Variants in PRDM6 observed in about 807,000 individuals in gnomAD.
PRDM6 encodes the protein PR/SET domain 6.
In PRDM6, 25 loss-of-function variants were observed where a neutral mutation model predicts 60.8. That is an observed-to-expected ratio of 0.41 (90% CI 0.30 to 0.57). The LOEUF is 0.57. Among genes scored for constraint, PRDM6 ranks in the 20% least tolerant of loss-of-function variants. The pLI is 0.27. For synonymous variants in PRDM6, 407 were observed against 357.4 expected (o/e 1.14, Z -1.57); for missense variants, 839 against 821.3 (o/e 1.02, Z -0.26).
chr5:123,145,146 T>C (rs1765211113), intron 3 of PRDM6, among the ~76,000 whole-genome samples: 1 of 152,220 alleles, frequency 6.6e-6, no homozygotes, highest in Non-Finnish European at 1.5e-5. Context: ...AATGATTAGC[T>C]TTGCCTCTCT....
At chr5:123,100,928 G>A (rs1707610493) in intron 3 of PRDM6, among the ~76,000 whole-genome samples, 1 of 152,194 alleles carries the variant, frequency 6.6e-6, no homozygotes, top group South Asian at 2.1e-4. Flanking sequence ...TAAACAATAT[G>A]TAAATCTGAC....
chr5:123,175,257 T>C (rs550022653), intron 6 of PRDM6, among the ~76,000 whole-genome samples: 7 of 152,288 alleles, frequency 4.6e-5, no homozygotes, highest in Non-Finnish European at 7.4e-5. Context: ...TCCCTTTTCT[T>C]TTCCTTTCTC....
rs765340342 is a variant in PRDM6, at chr5:123,190,885, C to A, written c.*3684C>A. ...CTGCTAGTAAAATGGGTATTTTAGT[C>A]CTTTAGACCATTGTCTCAGTGAAGT... On this transcript the variant is annotated 3_prime_UTR_variant, in exon 8 of 8. Coordinates refer to ENST00000407847, the MANE Select transcript of PRDM6 (RefSeq NM_001136239.4). 1 of 152,104 alleles carries A rather than the reference C, an allele frequency of 6.6e-6. No homozygotes were observed. The allele number at this position is 152,104 out of a possible 1,614,324, so 9.4% of individuals were successfully genotyped here.
chr5:123,177,908 G>A (rs1056201832), intron 6 of PRDM6, among the ~76,000 whole-genome samples: 1 of 152,134 alleles, frequency 6.6e-6, no homozygotes, highest in Non-Finnish European at 1.5e-5. Flanking sequence ...TCCCGTTCTA[G>A]CCCCTTCCAT....
At chr5:123,095,288 CG>C (rs1357376501) in intron 2 of PRDM6, among the ~76,000 whole-genome samples, 1 of 152,246 alleles carries the variant, frequency 6.6e-6, no homozygotes. Context: ...TGGGCAGGAG[CG>C]GGGTGGGACC....
At chr5:123,092,558 G>A (rs958455442) in intron 2 of PRDM6, among the ~76,000 whole-genome samples, 2 of 152,066 alleles carry the variant, frequency 1.3e-5, no homozygotes, top group Admixed American at 6.5e-5. Flanking sequence ...TATTGCCTGG[G>A]TAACTTTTTT....
At chr5:123,164,670 G>T (rs1399612139) in intron 5 of PRDM6, among the ~76,000 whole-genome samples, 1 of 152,190 alleles carries the variant, frequency 6.6e-6, no homozygotes, top group African/African-American at 2.4e-5. Context: ...AGAGACAAAT[G>T]ACAAAGGTCT....
rs542268720 is a variant in PRDM6 at position 123,147,407 on chromosome 5, C to G, written c.901-8477C>G. 4.6e-5 allele frequency among the ~76,000 whole-genome samples: 7 copies of G among 152,090 alleles called. No homozygotes were observed. In the South Asian group the frequency reaches 1.5e-3, roughly 32 times the overall value. On this transcript the variant is annotated intron_variant, in intron 3 of 7. Coordinates refer to ENST00000407847, the MANE Select transcript of PRDM6 (RefSeq NM_001136239.4). ...CTTTTTAGTGTTGATGTTGTGTGGA[C>G]ACTGGAGACAGTTGTGCACTGTGGA...
chr5:123,119,537 T>C (rs1043533096), intron 3 of PRDM6, among the ~76,000 whole-genome samples: 1 of 152,182 alleles, frequency 6.6e-6, no homozygotes, highest in East Asian at 1.9e-4. Flanking sequence ...CTTCTGCCGG[T>C]GATGCCTGGC....
At chr5:123,091,632 A>G (rs1468052427) in intron 2 of PRDM6, among the ~76,000 whole-genome samples, 4 of 152,292 alleles carry the variant, frequency 2.6e-5, no homozygotes, top group Middle Eastern at 3.4e-3. Flanking sequence ...TTACACCTAT[A>G]CTGTGTTGGG....
chr5:123,105,059 G>C (rs1418489725), intron 3 of PRDM6, among the ~76,000 whole-genome samples: 2 of 152,202 alleles, frequency 1.3e-5, no homozygotes, highest in Non-Finnish European at 2.9e-5. Flanking sequence ...TGACACTACA[G>C]TGCTTTAGCT....
chr5:123,090,406 C>G lies in PRDM6; in HGVS notation c.392C>G (p.Pro131Arg), dbSNP rs944613907. 2.0e-5 allele frequency: 29 copies of G among 1,459,330 alleles called. No individual in the cohort carries two copies. In the African/African-American group the frequency reaches 3.1e-4, roughly 16 times the overall value. The allele number at this position is 1,459,330 out of a possible 1,614,324, so 90.4% of individuals were successfully genotyped here. A position where few individuals can be genotyped will look rare whatever the true frequency, so the allele number is the denominator to read the frequency against. ...PLAAAAVAAE[P>R]LPPKELCLGA... ...GCCGCCGCTGCCGTCGCCGCCGAGC[C>G]GCTGCCCCCCAAGGAACTGTGCCTC... The change falls in exon 2 of 8, where the codon CCG becomes CGG. Residue 131 changes from proline (P) to arginine (R), a missense_variant. By Grantham distance (103) the Pro-to-Arg change is moderately radical. Coordinates refer to ENST00000407847, the MANE Select transcript of PRDM6 (RefSeq NM_001136239.4).
intron 3 of PRDM6, among the ~76,000 whole-genome samples, chr5:123,117,005 T>G (rs1468757090): frequency 6.6e-6 from 1 of 152,212 alleles, no homozygotes; most frequent in Admixed American, 6.5e-5. Flanking sequence ...AAAATTCCTT[T>G]GTTTTGTACC....
intron 5 of PRDM6, among the ~76,000 whole-genome samples, chr5:123,165,685 A>G (rs962633061): frequency 2.0e-5 from 3 of 152,220 alleles, no homozygotes; most frequent in African/African-American, 7.2e-5. Flanking sequence ...ATTCTCAGGT[A>G]TTCTTTCAGA....
rs408054 is a variant in PRDM6 at position 123,148,760 on chromosome 5, C to A, written c.901-7124C>A. On this transcript the variant is annotated intron_variant, in intron 3 of 7. Transcript: ENST00000407847. ...AAATAGAAATTTGATTGATAAAGAA[C>A]TTTATTAATCATTATGAATGTTTTT... Among the ~76,000 whole-genome samples, 959 of 152,128 alleles carry A rather than the reference C, an allele frequency of 6.3e-3. 12 individuals are homozygous for A. Among genetic ancestry groups the A allele is most frequent in the African/African-American group, 0.022 (917 of 41,494 alleles).
At chr5:123,149,237 T>C (rs1442026242) in intron 3 of PRDM6, among the ~76,000 whole-genome samples, 3 of 152,198 alleles carry the variant, frequency 2.0e-5, no homozygotes, top group Non-Finnish European at 2.9e-5. Flanking sequence ...TTTGCTGTTT[T>C]CCTCTCTAGA....
chr5:123,089,600 G>A lies in PRDM6; in HGVS notation c.-16+81G>A, dbSNP rs2277930. On this transcript the variant is annotated intron_variant, in intron 1 of 7. Transcript: ENST00000407847. ...TGGTGGTCCTAGGTTGGGGGCGGGCGGCGAGACTGTTCTGCCTCCTGGCGC... is the reference window on the plus strand; with the variant it reads ...TGGTGGTCCTAGGTTGGGGGCGGGCAGCGAGACTGTTCTGCCTCCTGGCGC... 6.9e-3 allele frequency: 1,288 copies of A among 186,252 alleles called. 57 individuals are homozygous for A. In the East Asian group the frequency reaches 0.13, roughly 18 times the overall value. The allele number at this position is 186,252 out of a possible 1,614,324, so 11.5% of individuals were successfully genotyped here.
At chr5:123,089,623 C>A (rs1462507227) in intron 1 of PRDM6, 104 bp downstream of exon 1, 4 of 213,038 alleles carry the variant, frequency 1.9e-5, no homozygotes, top group Non-Finnish European at 3.7e-5. Context: ...TGCCTCCTGG[C>A]GCCTGAGGCC....
chr5:123,140,317 G>A (rs1765068867), intron 3 of PRDM6, among the ~76,000 whole-genome samples: 1 of 151,596 alleles, frequency 6.6e-6, no homozygotes, highest in African/African-American at 2.4e-5. Context: ...TGACATGATG[G>A]AATATATATT....
Sources: allele counts gnomAD v4.1 joint callset (sites outside exome capture counted in the v4.1 genomes callset), GRCh38; gene constraint gnomAD v4.1.1; transcripts MANE v1.5; gene names NCBI Gene and HGNC (gene_info 2026-07-23, HGNC 2026-07-21).